SVEP1: variants seen among roughly 807,000 people sequenced by gnomAD.
SVEP1 encodes the protein sushi, von Willebrand factor type A, EGF and pentraxin domain-containing protein 1.
A neutral mutation model predicts 367.3 loss-of-function variants in SVEP1; 164 were observed. The ratio of observed to expected loss-of-function variants is 0.45; its 90% confidence interval spans 0.39 to 0.51. The LOEUF is 0.51. Ranked by LOEUF, SVEP1 falls within the 20% of genes least tolerant of loss-of-function variation. The pLI, the probability that SVEP1 is intolerant of heterozygous loss-of-function variation, is 0.00. For missense variants in SVEP1, 4,117 were observed against 4,425.3 expected (o/e 0.93, Z 1.98); for synonymous variants, 1,666 against 1,611.6 (o/e 1.03, Z -0.81).
chr9:110,394,125 A>C (rs1827717816), intron 40 of SVEP1, among the ~76,000 whole-genome samples: 1 of 151,966 alleles, frequency 6.6e-6, no homozygotes, highest in Admixed American at 6.6e-5. Flanking sequence ...GCGGACTGAC[A>C]CCTCACATGG....
Position 110,569,194 on chromosome 9 carries a change from A to G in SVEP1, c.531+9819T>C, listed in dbSNP as rs138396789. On this transcript the variant is annotated intron_variant, in intron 1 of 47. Coordinates refer to ENST00000374469, the MANE Select transcript of SVEP1 (RefSeq NM_153366.4). ...TATCTGCTAGTGCTATAGGATGGGC[A>G]ATTTAAAAAATTGAGGCTTTGGGAG... is the stretch of plus-strand genomic sequence containing the variant. Among the ~76,000 whole-genome samples, 878 of 151,830 alleles carry G rather than the reference A, an allele frequency of 5.8e-3. 4 individuals carry two copies. Among genetic ancestry groups the G allele is most frequent in the African/African-American group, 0.02 (831 of 41,398 alleles).
rs1828766151 is a variant in SVEP1, at chr9:110,455,649, T to A, written c.3728A>T (p.Asn1243Ile). ...DECSPLPCLNNGVCKDLVGEF... is the reference protein window; with the variant it reads ...DECSPLPCLNIGVCKDLVGEF... ...CCCAACTAGGTCTTTACAAACTCCATTGTTGAGGCAAGGCAGTGGGCTGCA... is the reference window on the plus strand; with the variant it reads ...CCCAACTAGGTCTTTACAAACTCCAATGTTGAGGCAAGGCAGTGGGCTGCA... The change falls in exon 22 of 48, where the codon AAT (asparagine) becomes ATT (isoleucine). Residue 1243 changes from asparagine to isoleucine, a missense_variant. Around this residue, in one of 4 missense-constraint regions of SVEP1, gnomAD observed 2,174 missense variants for 2,494.3 expected, o/e 0.87. Coordinates refer to ENST00000374469, the MANE Select transcript of SVEP1 (RefSeq NM_153366.4). The A allele has an allele frequency of 6.2e-7, 1 of 1,613,618 alleles. No homozygotes were observed. The highest frequency in any genetic ancestry group is 1.7e-5 in the Admixed American group (1 of 59,960).
chr9:110,393,020 G>T (rs989071471), intron 40 of SVEP1, among the ~76,000 whole-genome samples: 1 of 152,122 alleles, frequency 6.6e-6, no homozygotes, highest in African/African-American at 2.4e-5. Flanking sequence ...TTTCTCAAGT[G>T]ATTCTAACAT....
chr9:110,558,187 A>T (rs1381542469), intron 1 of SVEP1, among the ~76,000 whole-genome samples: 1 of 152,038 alleles, frequency 6.6e-6, no homozygotes, highest in Non-Finnish European at 1.5e-5. Flanking sequence ...TTGGAAGAGT[A>T]TGTAATTTAA....
rs1281777487 is a variant in SVEP1, at chr9:110,407,374, G to A, written c.8226C>T (p.Ser2742=). Residue 2742 remains serine (S), a synonymous_variant, in exon 38 of 48, where the codon AGC becomes AGT. Coordinates refer to ENST00000374469, the MANE Select transcript of SVEP1 (RefSeq NM_153366.4). ...ETSMGSAVQY[S]CKPGHILAGS... ...CTGCTAGAATGTGTCCAGGTTTACA[G>A]CTATACTGCACAGCACTTCCCATGC... The A allele has an allele frequency of 3.7e-6, 6 of 1,613,892 alleles. No individual in the cohort carries two copies. The highest frequency in any genetic ancestry group is 3.3e-4 in the Middle Eastern group (2 of 6,084).
chr9:110,384,879 C>T (rs1486180122), intron 43 of SVEP1, among the ~76,000 whole-genome samples: 2 of 152,200 alleles, frequency 1.3e-5, no homozygotes, highest in African/African-American at 4.8e-5. Flanking sequence ...TGTGCCTTGC[C>T]TCTGGTCGGA....
At chr9:110,551,542 G>A (rs1216611194) in intron 1 of SVEP1, among the ~76,000 whole-genome samples, 4 of 152,264 alleles carry the variant, frequency 2.6e-5, no homozygotes, top group African/African-American at 4.8e-5. Context: ...AAGGAAAATC[G>A]TACAGATGGG....
In SVEP1 at chr9:110,546,278, C is replaced by T; in HGVS notation, c.801G>A (p.Gly267=). ...RRALHEDLPS[G]SFIQDDMVHC... is the part of the protein sequence containing the mutation. ...GGACCATATCATCTTGAATAAAACT[C>T]CCAGAAGGTAGATCTACAAATAACA... The change falls in exon 3 of 48, where the codon GGG becomes GGA. Residue 267 remains glycine, a synonymous_variant. Coordinates refer to ENST00000374469, the MANE Select transcript of SVEP1 (RefSeq NM_153366.4). The T allele has an allele frequency of 6.3e-7, 1 of 1,589,286 alleles. No homozygotes were observed. Among genetic ancestry groups the T allele is most frequent in the Admixed American group, 1.8e-5 (1 of 56,458 alleles).
At chr9:110,477,994 C>T (rs1298726373) in intron 13 of SVEP1, among the ~76,000 whole-genome samples, 1 of 152,094 alleles carries the variant, frequency 6.6e-6, no homozygotes, top group Non-Finnish European at 1.5e-5. Flanking sequence ...TCTTCTTACC[C>T]CCATCTCCTC....
intron 3 of SVEP1, among the ~76,000 whole-genome samples, chr9:110,543,905 G>T (rs1289598205): frequency 1.3e-5 from 2 of 152,106 alleles, no homozygotes; most frequent in Non-Finnish European, 2.9e-5. Flanking sequence ...CTCAGAGGCA[G>T]TTGAGCTGAT....
intron 3 of SVEP1, among the ~76,000 whole-genome samples, chr9:110,544,941 C>T (rs751627084): frequency 6.6e-6 from 1 of 152,110 alleles, no homozygotes; most frequent in African/African-American, 2.4e-5. Context: ...CCTTCCCAGC[C>T]TCTAGGAAGC....
chr9:110,531,463 T>C (rs1209902432), intron 3 of SVEP1, among the ~76,000 whole-genome samples: 4 of 152,058 alleles, frequency 2.6e-5, no homozygotes, highest in African/African-American at 9.7e-5. Flanking sequence ...AGTGAGTGAG[T>C]TCTCATGAGA....
chr9:110,431,648 C>A (rs550806053), intron 32 of SVEP1, among the ~76,000 whole-genome samples: 24 of 152,072 alleles, frequency 1.6e-4, no homozygotes, highest in Non-Finnish European at 3.4e-4. Context: ...TATTCTTGTA[C>A]TATGTAGACG....
At chr9:110,433,385 A>C (rs1269522154) in intron 30 of SVEP1, among the ~76,000 whole-genome samples, 2 of 133,588 alleles carry the variant, frequency 1.5e-5, no homozygotes, top group Non-Finnish European at 1.7e-5. Context: ...AAAAAAAAAA[A>C]AACGGTGAAT....
At chr9:110,551,144 G>T (rs549187243) in intron 1 of SVEP1, among the ~76,000 whole-genome samples, 1 of 152,214 alleles carries the variant, frequency 6.6e-6, no homozygotes, top group African/African-American at 2.4e-5. Context: ...TAGGCAGGAA[G>T]AGTGACAACT....
intron 27 of SVEP1, among the ~76,000 whole-genome samples, chr9:110,438,295 T>G (rs115192831): frequency 0.012 from 1,815 of 148,548 alleles, 31 homozygotes; most frequent in African/African-American, 0.042. Flanking sequence ...CAGGTGATTC[T>G]CACGCCTCAG....
intron 32 of SVEP1, among the ~76,000 whole-genome samples, chr9:110,431,426 G>A (rs1828347332): frequency 6.6e-6 from 1 of 152,132 alleles, no homozygotes; most frequent in African/African-American, 2.4e-5. Flanking sequence ...ATACAACAAC[G>A]GGTTGAGAGA....
chr9:110,544,718 C>G (rs1415717671), intron 3 of SVEP1, among the ~76,000 whole-genome samples: 1 of 152,162 alleles, frequency 6.6e-6, no homozygotes, highest in Non-Finnish European at 1.5e-5. Flanking sequence ...GTAATGATCA[C>G]ATTATGACAA....
At position 110,365,686 on chromosome 9, in the gene SVEP1, T is replaced by C. The variant is rs2118927659; in HGVS notation, c.*853A>G. The C allele has an allele frequency of 6.6e-6, 1 of 152,354 alleles. No individual in the cohort carries two copies. The highest frequency in any genetic ancestry group is 1.9e-4 in the East Asian group (1 of 5,178). 9.4% of individuals were successfully genotyped at this position (152,354 alleles called of 1,614,324 possible). Reference sequence around the variant, plus strand: ...ACCAGGAGCACAGCTCTGGGGAATGTTTCCCATTTGCCTTTTTCCTTCTCT... The same window carrying C: ...ACCAGGAGCACAGCTCTGGGGAATGCTTCCCATTTGCCTTTTTCCTTCTCT... On this transcript the variant is annotated 3_prime_UTR_variant, in exon 48 of 48. Transcript: ENST00000374469.
Sources: gnomAD v4.1 joint callset for allele counts (sites outside exome capture counted in the v4.1 genomes callset) on GRCh38, gnomAD v4.1.1 for gene constraint, gnomAD v4.1.1 regional missense constraint, MANE v1.5 for transcripts, NCBI Gene and HGNC (gene_info 2026-07-23, HGNC 2026-07-21) for gene names.